Variants in DNAJC15 observed in about 807,000 individuals in gnomAD.
DNAJC15 encodes dnaJ homolog subfamily C member 15.
Under a neutral mutation model 22.4 loss-of-function variants are expected in DNAJC15, and 27 were observed. The observed-to-expected ratio is 1.20, with a 90% CI of 0.89 to 1.66. The LOEUF (loss-of-function observed/expected upper bound fraction) is 1.66, where lower values mean the gene tolerates loss of function less well. Among genes scored for constraint, DNAJC15 ranks in the 40% most tolerant of loss-of-function variants. The pLI is 0.00. For synonymous variants in DNAJC15, 79 were observed against 63.2 expected (o/e 1.25, Z -1.19); for missense variants, 208 against 187.1 (o/e 1.11, Z -0.65).
chr13:43,023,933 G>A (rs949606654), intron 1 of DNAJC15, among the ~76,000 whole-genome samples, 199 bp downstream of exon 1: 1 of 152,246 alleles, frequency 6.6e-6, no homozygotes, highest in Admixed American at 6.5e-5. Flanking sequence ...GCAGTTCTGA[G>A]GATCTGTCTC....
At chr13:43,078,501 A>G in intron 3 of DNAJC15, 111 bp from the exon 4 acceptor site, 1 of 725,354 alleles carries the variant, frequency 1.4e-6, no homozygotes, top group Non-Finnish European at 2.2e-6. Flanking sequence ...CATAATTTTG[A>G]GTTGACTTCT....
intron 1 of DNAJC15, among the ~76,000 whole-genome samples, chr13:43,050,611 A>T (rs1471081631): frequency 1.3e-5 from 2 of 151,844 alleles, no homozygotes; most frequent in South Asian, 2.1e-4. Flanking sequence ...ATACATGATT[A>T]AAAAAAAATT....
At chr13:43,065,882 C>A in intron 2 of DNAJC15, 145 bp downstream of exon 2, 1 of 680,764 alleles carries the variant, frequency 1.5e-6, no homozygotes, top group Non-Finnish European at 2.4e-6. Context: ...TTTGTAGTTA[C>A]TGAACATTTG....
In DNAJC15 at chr13:43,107,294, A is replaced by AG; in HGVS notation, c.*46_*47insG. 6.8e-7 allele frequency: 1 copy of AG among 1,467,380 alleles called. No homozygotes were observed. The highest frequency in any genetic ancestry group is 1.4e-5 in the South Asian group (1 of 71,472). 90.9% of individuals were successfully genotyped at this position (1,467,380 alleles called of 1,614,324 possible). Reference sequence around the variant, plus strand: ...GGAAAAAAAAAGAGGGGACTTCGAAAAAAAAAAAAGCCCTGCAAAATATTC... The same window carrying AG: ...GGAAAAAAAAAGAGGGGACTTCGAAAGAAAAAAAAAGCCCTGCAAAATATTC... On this transcript the variant is annotated 3_prime_UTR_variant, in exon 6 of 6. Transcript: ENST00000379221.
At chr13:43,069,775 A>G (rs1201901323) in intron 3 of DNAJC15, among the ~76,000 whole-genome samples, 2 of 152,210 alleles carry the variant, frequency 1.3e-5, no homozygotes, top group Non-Finnish European at 2.9e-5. Context: ...TGCTATTCTG[A>G]GTTCCTGGCA....
At chr13:43,051,121 C>G (rs189396868) in intron 1 of DNAJC15, among the ~76,000 whole-genome samples, 4,145 of 152,046 alleles carry the variant, frequency 0.027, 85 homozygotes, top group Non-Finnish European at 0.039. Context: ...ATTACAGGTG[C>G]CTGCCACCAC....
intron 1 of DNAJC15, among the ~76,000 whole-genome samples, chr13:43,035,935 G>A (rs1049176899): frequency 3.3e-5 from 5 of 151,920 alleles, no homozygotes; most frequent in East Asian, 1.9e-4. Flanking sequence ...CTATGTTGCC[G>A]AGGCTGGTCT....
chr13:43,090,709 C>CT (rs5803165), intron 5 of DNAJC15, among the ~76,000 whole-genome samples: 10,443 of 139,496 alleles, frequency 0.075, 378 homozygotes, highest in Non-Finnish European at 0.08. Context: ...TTCTTTCTTT[C>CT]TTTTTTTTTT....
intron 1 of DNAJC15, among the ~76,000 whole-genome samples, chr13:43,042,022 GTTTAC>G (rs1566202028): frequency 6.6e-6 from 1 of 152,154 alleles, no homozygotes; most frequent in African/African-American, 2.4e-5. Context: ...ATGGTTGGAT[GTTTAC>G]TTAATCCTGC....
At chr13:43,037,801 A>T (rs980581704) in intron 1 of DNAJC15, among the ~76,000 whole-genome samples, 1 of 152,212 alleles carries the variant, frequency 6.6e-6, no homozygotes, top group Non-Finnish European at 1.5e-5. Context: ...TTTACAGATG[A>T]AGGAACACAT....
chr13:43,088,520 G>A (rs1360714529), intron 5 of DNAJC15, among the ~76,000 whole-genome samples: 5 of 152,332 alleles, frequency 3.3e-5, no homozygotes, highest in Middle Eastern at 3.4e-3. Context: ...CCTGCCTGCA[G>A]TGGGGAGATT....
chr13:43,101,367 C>A (rs2040768187), intron 5 of DNAJC15, among the ~76,000 whole-genome samples: 1 of 152,106 alleles, frequency 6.6e-6, no homozygotes, highest in South Asian at 2.1e-4. Context: ...ACAGCCTTTG[C>A]CTTTTGATTG....
chr13:43,040,120 C>A (rs1001190547), intron 1 of DNAJC15, among the ~76,000 whole-genome samples: 3 of 152,140 alleles, frequency 2.0e-5, no homozygotes, highest in Non-Finnish European at 4.4e-5. Flanking sequence ...CCAAATGAAC[C>A]TTGAGCTGCC....
chr13:43,089,031 CTCT>C (rs1418168883), intron 5 of DNAJC15, among the ~76,000 whole-genome samples: 4 of 152,132 alleles, frequency 2.6e-5, no homozygotes, highest in Admixed American at 2.0e-4. Context: ...ACGTGGCTTA[CTCT>C]TCTTTATAAC....
chr13:43,033,917 A>C (rs919181727), intron 1 of DNAJC15, among the ~76,000 whole-genome samples: 1 of 151,778 alleles, frequency 6.6e-6, no homozygotes, highest in African/African-American at 2.4e-5. Context: ...AATCCCAGCT[A>C]CTTGGGAGGC....
At chr13:43,091,077 T>A (rs528199211) in intron 5 of DNAJC15, among the ~76,000 whole-genome samples, 4 of 152,142 alleles carry the variant, frequency 2.6e-5, no homozygotes, top group African/African-American at 9.6e-5. Flanking sequence ...TATTTTATTT[T>A]TTTTATTTCT....
Position 43,058,205 on chromosome 13 carries a change from T to A in DNAJC15, c.109-7481T>A, listed in dbSNP as rs551464517. Among the ~76,000 whole-genome samples, 194 of 152,298 alleles carry A rather than the reference T, an allele frequency of 1.3e-3. 1 individual carries two copies. Among genetic ancestry groups the A allele is most frequent in the African/African-American group, 4.4e-3 (183 of 41,564 alleles). ...ATGAGTTGCTATAATGGCTTGAGTT[T>A]GTTGGCTTCTAGCCAGGAGGTAGAG... On this transcript the variant is annotated intron_variant, in intron 1 of 5. Transcript: ENST00000379221.
intron 2 of DNAJC15, among the ~76,000 whole-genome samples, chr13:43,066,249 CTTTTTTTTTTCT>C (rs2040583346): frequency 6.7e-6 from 1 of 149,772 alleles, no homozygotes; most frequent in Admixed American, 6.7e-5. Context: ...AAGAATAGTT[CTTTTTTTTTTCT>C]TTTTTTTGGA....
In DNAJC15 at chr13:43,113,968, G is replaced by A. The variant is rs369768832; in HGVS notation, c.*6720G>A. 6 of 152,132 alleles carry A rather than the reference G, an allele frequency of 3.9e-5. No individual in the cohort carries two copies. The highest frequency in any genetic ancestry group is 3.8e-4 in the East Asian group (2 of 5,196). The allele number at this position is 152,132 out of a possible 1,614,324, so 9.4% of individuals were successfully genotyped here. On this transcript the variant is annotated 3_prime_UTR_variant, in exon 6 of 6. Transcript: ENST00000379221. Reference sequence around the variant, plus strand: ...TTCTTGGGACTTAGGTAATCAGTTTGCCTTCTACTCTATCTCATTTTGTAC... The same window carrying A: ...TTCTTGGGACTTAGGTAATCAGTTTACCTTCTACTCTATCTCATTTTGTAC...
Sources: gnomAD v4.1 joint callset for allele counts (sites outside exome capture counted in the v4.1 genomes callset) on GRCh38, gnomAD v4.1.1 for gene constraint, MANE v1.5 for transcripts, NCBI Gene and HGNC (gene_info 2026-07-23, HGNC 2026-07-21) for gene names.